MCPH1: variants seen among roughly 807,000 people sequenced by gnomAD.
MCPH1 encodes the protein microcephalin.
MCPH1 carries 104 observed loss-of-function variants against 84.5 expected under a neutral mutation model. The observed-to-expected ratio is 1.23, with a 90% CI of 1.05 to 1.45. The LOEUF (loss-of-function observed/expected upper bound fraction) is 1.45. Ranked by LOEUF, MCPH1 falls within the 40% of genes most tolerant of loss-of-function variation. The pLI is 0.00. For missense variants in MCPH1, 1,498 were observed against 1,005.7 expected (o/e 1.49, Z -6.62); for synonymous variants, 514 against 366.8 (o/e 1.40, Z -4.58).
chr8:6,521,272 C>A lies in MCPH1; in HGVS notation c.2214+21343C>A, dbSNP rs781406567. The A allele has an allele frequency of 1.8e-5, 29 of 1,613,870 alleles. 2 individuals carry two copies. The South Asian group carries it at 3.0e-4, about 17-fold the overall frequency. On this transcript the variant is annotated intron_variant, in intron 12 of 13. Coordinates refer to ENST00000344683, the MANE Select transcript of MCPH1 (RefSeq NM_024596.5). ...GAACTGAATTATTCACCGTGGCAGT[C>A]ACTATTTTTTTTTCTAGTTCTTCAA...
rs543185381 is a variant in MCPH1 at position 6,498,324 on chromosome 8, T to G, written c.2137-1528T>G. On this transcript the variant is annotated intron_variant, in intron 11 of 13. Coordinates refer to ENST00000344683, the MANE Select transcript of MCPH1 (RefSeq NM_024596.5). ...ATTTTCACTATTTTGAACACTCTAT[T>G]AAGGTAAAGATGTGTTCGGCCAATG... 1.5e-4 allele frequency among the ~76,000 whole-genome samples: 23 copies of G among 152,320 alleles called. No homozygotes were observed. In the South Asian group the frequency reaches 4.8e-3, roughly 32 times the overall value.
At chr8:6,590,318 G>A (rs532447471) in intron 12 of MCPH1, among the ~76,000 whole-genome samples, 9 of 152,254 alleles carry the variant, frequency 5.9e-5, no homozygotes, top group Admixed American at 1.3e-4. Flanking sequence ...CTAAATGTGC[G>A]TTGGCCCATC....
At chr8:6,452,410 G>T (rs1805194340) in intron 8 of MCPH1, among the ~76,000 whole-genome samples, 1 of 152,238 alleles carries the variant, frequency 6.6e-6, no homozygotes, top group Non-Finnish European at 1.5e-5. Context: ...GGGTCTGTCA[G>T]ATTCATTTCC....
chr8:6,413,033 A>G (rs1798761764), intron 2 of MCPH1, among the ~76,000 whole-genome samples: 1 of 152,210 alleles, frequency 6.6e-6, no homozygotes, highest in South Asian at 2.1e-4. Context: ...ATATTACTTC[A>G]GTATAATTGA....
At chr8:6,469,202 A>C (rs1807396725) in intron 9 of MCPH1, among the ~76,000 whole-genome samples, 1 of 152,146 alleles carries the variant, frequency 6.6e-6, no homozygotes. Flanking sequence ...AAGAAACTTA[A>C]AGATTTTAGT....
chr8:6,534,820 G>A (rs908902845), intron 12 of MCPH1, among the ~76,000 whole-genome samples: 1 of 151,926 alleles, frequency 6.6e-6, no homozygotes, highest in Non-Finnish European at 1.5e-5. Context: ...TTCCTCCCCT[G>A]CCTTTATAAA....
At chr8:6,453,258 T>C (rs1805287323) in intron 8 of MCPH1, among the ~76,000 whole-genome samples, 1 of 152,228 alleles carries the variant, frequency 6.6e-6, no homozygotes, top group Non-Finnish European at 1.5e-5. Context: ...TGCTTTGGGT[T>C]TACCGATGTC....
chr8:6,488,770 C>A (rs916223861), intron 11 of MCPH1, among the ~76,000 whole-genome samples: 6 of 151,958 alleles, frequency 3.9e-5, no homozygotes, highest in Non-Finnish European at 7.4e-5. Flanking sequence ...AGAGTGGCAG[C>A]TTTTGTCTCT....
intron 12 of MCPH1, among the ~76,000 whole-genome samples, chr8:6,530,961 A>G (rs1057090346): frequency 6.6e-6 from 1 of 151,900 alleles, no homozygotes; most frequent in Admixed American, 6.6e-5. Context: ...AGCATTTAGG[A>G]ATAATATGGA....
intron 7 of MCPH1, among the ~76,000 whole-genome samples, chr8:6,443,559 T>C (rs779570461): frequency 6.6e-6 from 1 of 152,204 alleles, no homozygotes; most frequent in South Asian, 2.1e-4. Context: ...TGAGCCCCTA[T>C]TGAGGGAGCC....
chr8:6,528,970 C>G (rs1372791883), intron 12 of MCPH1, among the ~76,000 whole-genome samples: 1 of 152,174 alleles, frequency 6.6e-6, no homozygotes, highest in Non-Finnish European at 1.5e-5. Context: ...TACATTTGGC[C>G]TACGTCTTCT....
At chr8:6,564,767 C>T (rs1357690397) in intron 12 of MCPH1, among the ~76,000 whole-genome samples, 5 of 152,236 alleles carry the variant, frequency 3.3e-5, no homozygotes, top group East Asian at 3.8e-4. Context: ...GTGACTTTCT[C>T]ATCCTCAGAA....
intron 12 of MCPH1, among the ~76,000 whole-genome samples, chr8:6,592,006 C>A (rs975788188): frequency 7.9e-5 from 12 of 152,182 alleles, no homozygotes; most frequent in African/African-American, 2.7e-4. Context: ...GAGTGGGAAA[C>A]CATGTGAAGC....
chr8:6,545,631 C>G (rs1346886665), intron 12 of MCPH1, among the ~76,000 whole-genome samples: 2 of 152,166 alleles, frequency 1.3e-5, no homozygotes, highest in African/African-American at 4.8e-5. Context: ...CCGGATCAAG[C>G]ATAAAAGGCA....
intron 12 of MCPH1, among the ~76,000 whole-genome samples, chr8:6,536,139 A>C (rs186808996): frequency 3.3e-5 from 5 of 152,324 alleles, no homozygotes; most frequent in African/African-American, 1.2e-4. Context: ...TTTAAGAGAA[A>C]TATATGATGT....
At chr8:6,639,900 A>G (rs1006167661) in intron 13 of MCPH1, among the ~76,000 whole-genome samples, 1 of 151,806 alleles carries the variant, frequency 6.6e-6, no homozygotes, top group Non-Finnish European at 1.5e-5. Flanking sequence ...TTGTTTTGCT[A>G]TTGTATTTAC....
intron 12 of MCPH1, chr8:6,508,627 C>G (rs1461828949): frequency 1.2e-5 from 7 of 560,052 alleles, no homozygotes; most frequent in Non-Finnish European, 2.2e-5. Flanking sequence ...AACCATCTCT[C>G]TAGTATCCAG....
intron 9 of MCPH1, among the ~76,000 whole-genome samples, chr8:6,475,295 G>T (rs1053486481): frequency 2.6e-5 from 4 of 152,220 alleles, no homozygotes; most frequent in Non-Finnish European, 4.4e-5. Context: ...CCCTTCACGG[G>T]CACTCCTTTT....
chr8:6,598,774 C>G (rs1396777134), intron 12 of MCPH1, among the ~76,000 whole-genome samples: 1 of 152,214 alleles, frequency 6.6e-6, no homozygotes, highest in Non-Finnish European at 1.5e-5. Context: ...GAGCCCCCTG[C>G]CACCCGAAAG....
Sources: allele counts gnomAD v4.1 joint callset (sites outside exome capture counted in the v4.1 genomes callset), GRCh38; gene constraint gnomAD v4.1.1; transcripts MANE v1.5; gene names NCBI Gene and HGNC (gene_info 2026-07-23, HGNC 2026-07-21).